CHST9: variants seen among roughly 807,000 people sequenced by gnomAD.
CHST9 encodes GalNAc-4-sulfotransferase 2.
Under a neutral mutation model 44.4 loss-of-function variants are expected in CHST9, and 41 were observed. The ratio of observed to expected loss-of-function variants is 0.92; its 90% CI spans 0.72 to 1.20. CHST9 has a LOEUF of 1.20. Among genes scored for constraint, CHST9 ranks in the 50% most tolerant of loss-of-function variants. The pLI is 0.00. For synonymous variants in CHST9, 171 were observed against 178.4 expected (o/e 0.96, Z 0.33); for missense variants, 504 against 516.5 (o/e 0.98, Z 0.23).
chr18:27,076,061 G>A (rs1369348099), intron 2 of CHST9, among the ~76,000 whole-genome samples: 4 of 152,124 alleles, frequency 2.6e-5, no homozygotes, highest in African/African-American at 7.2e-5. Context: ...CGCATCCTCC[G>A]CTTCAAAGCA....
intron 2 of CHST9, among the ~76,000 whole-genome samples, chr18:27,058,941 T>C (rs531702531): frequency 1.3e-3 from 194 of 152,328 alleles, no homozygotes; most frequent in African/African-American, 4.6e-3. Flanking sequence ...TTGACATACA[T>C]ATCAATATAT....
chr18:26,977,254 G>C (rs1319804824), intron 4 of CHST9, among the ~76,000 whole-genome samples: 1 of 152,032 alleles, frequency 6.6e-6, no homozygotes, highest in African/African-American at 2.4e-5. Flanking sequence ...CTAAATGCTT[G>C]GGTTAGAAAG....
chr18:27,132,986 T>C (rs868401329), intron 2 of CHST9, among the ~76,000 whole-genome samples: 1 of 152,210 alleles, frequency 6.6e-6, no homozygotes, highest in Non-Finnish European at 1.5e-5. Flanking sequence ...ACAGTCCAGG[T>C]ACTCAGCCTA....
chr18:27,011,791 G>C (rs960606514), intron 4 of CHST9, among the ~76,000 whole-genome samples: 1 of 152,226 alleles, frequency 6.6e-6, no homozygotes, highest in African/African-American at 2.4e-5. Context: ...GCCAGGCAAT[G>C]AGCTAGACTC....
At chr18:26,972,357 CAAAAAAAAA>C (rs887066938) in intron 4 of CHST9, among the ~76,000 whole-genome samples, 4 of 65,246 alleles carry the variant, frequency 6.1e-5, no homozygotes, top group Admixed American at 2.3e-4. Context: ...ACTCCAACTC[CAAAAAAAAA>C]AAAAAAAAAA....
intron 4 of CHST9, among the ~76,000 whole-genome samples, chr18:26,972,182 A>C (rs12956930): frequency 0.64 from 97,270 of 151,222 alleles, 31,672 homozygotes; most frequent in African/African-American, 0.73. Context: ...CATGGCGAAA[A>C]CCCATCTCCA....
intron 5 of CHST9, chr18:26,934,152 T>A (rs1010047329): frequency 6.6e-6 from 1 of 152,212 alleles, no homozygotes; most frequent in African/African-American, 2.4e-5. Flanking sequence ...CAGATCATGG[T>A]CAGGGCTTTG....
At chr18:27,081,596 C>T (rs530873676) in intron 2 of CHST9, among the ~76,000 whole-genome samples, 5 of 152,202 alleles carry the variant, frequency 3.3e-5, no homozygotes, top group East Asian at 3.9e-4. Context: ...TTTATATTTA[C>T]GTTTCCTGGG....
chr18:27,108,608 A>T (rs2038198203), intron 2 of CHST9, among the ~76,000 whole-genome samples: 1 of 152,296 alleles, frequency 6.6e-6, no homozygotes, highest in Admixed American at 6.5e-5. Context: ...GTCCCAAAGA[A>T]TTCTTTTCTC....
chr18:27,185,255 A>AGAGCG lies in CHST9; in HGVS notation c.-221_-217dup, dbSNP rs1381160568. ...ACTCCTGGCAGCCGTGAGGTGGCTG[A>AGAGCG]GAGCGGAGCGCCGCGCCGGGAGCGG... On this transcript the variant is annotated 5_prime_UTR_variant, in exon 1 of 6. Transcript: ENST00000618847. 1.3e-5 allele frequency: 2 copies of AGAGCG among 151,990 alleles called. No homozygotes were observed. The highest frequency in any genetic ancestry group is 2.9e-5 in the Non-Finnish European group (2 of 68,012). 9.4% of individuals were successfully genotyped at this position (151,990 alleles called of 1,614,324 possible).
intron 4 of CHST9, among the ~76,000 whole-genome samples, chr18:26,979,093 A>G (rs1333939206): frequency 6.6e-6 from 1 of 151,826 alleles, no homozygotes; most frequent in Admixed American, 6.6e-5. Context: ...TGAGCATGTT[A>G]CCCTGTGCTA....
At chr18:27,047,393 T>A (rs2057514626) in intron 3 of CHST9, among the ~76,000 whole-genome samples, 1 of 145,040 alleles carries the variant, frequency 6.9e-6, no homozygotes, top group Non-Finnish European at 1.5e-5. Context: ...CATAATTGTG[T>A]GTGTGTGTGT....
At chr18:26,976,594 C>T (rs1358556827) in intron 4 of CHST9, among the ~76,000 whole-genome samples, 2 of 152,102 alleles carry the variant, frequency 1.3e-5, no homozygotes, top group Non-Finnish European at 2.9e-5. Flanking sequence ...CTCTGATCTT[C>T]AGCATTTTTG....
At chr18:26,998,024 A>G (rs534217206) in intron 4 of CHST9, among the ~76,000 whole-genome samples, 62 of 152,278 alleles carry the variant, frequency 4.1e-4, no homozygotes, top group Non-Finnish European at 7.5e-4. Context: ...TTGTTCTGTA[A>G]TCAACAGGAG....
chr18:27,044,201 C>A (rs1472956468), intron 3 of CHST9, among the ~76,000 whole-genome samples: 9 of 152,018 alleles, frequency 5.9e-5, no homozygotes, highest in African/African-American at 2.2e-4. Context: ...CTCTTCACAC[C>A]ATGTTGTAAT....
At chr18:27,019,947 T>C (rs1257550812) in intron 4 of CHST9, among the ~76,000 whole-genome samples, 1 of 152,094 alleles carries the variant, frequency 6.6e-6, no homozygotes, top group African/African-American at 2.4e-5. Flanking sequence ...AAGGAGGGTG[T>C]AATTAGGGTC....
At chr18:26,933,060 G>A (rs1300962353) in intron 5 of CHST9, 1 of 153,140 alleles carries the variant, frequency 6.5e-6, no homozygotes, top group African/African-American at 2.4e-5. Flanking sequence ...TTCAGAATGA[G>A]GAGGACACCT....
In CHST9 at chr18:26,915,045, A is replaced by T; in HGVS notation, c.*1214T>A. On this transcript the variant is annotated 3_prime_UTR_variant, in exon 6 of 6. Coordinates refer to ENST00000618847, the MANE Select transcript of CHST9 (RefSeq NM_031422.6). ...ATTCCAAAATGCATTACAACTATTC[A>T]TAAGGGTGACACATGGACCTATTTT... is the stretch of plus-strand genomic sequence containing the variant. 1 of 397,642 alleles carries T rather than the reference A, an allele frequency of 2.5e-6. No individual in the cohort carries two copies. The highest frequency in any genetic ancestry group is 4.4e-6 in the Non-Finnish European group (1 of 225,396). 24.6% of individuals were successfully genotyped at this position (397,642 alleles called of 1,614,324 possible).
At chr18:27,093,578 T>C (rs534236311) in intron 2 of CHST9, among the ~76,000 whole-genome samples, 13 of 152,332 alleles carry the variant, frequency 8.5e-5, no homozygotes, top group African/African-American at 3.1e-4. Flanking sequence ...TCACGTTGTC[T>C]GCAGGTTGCT....
Sources: gnomAD v4.1 joint callset for allele counts (sites outside exome capture counted in the v4.1 genomes callset) on GRCh38, gnomAD v4.1.1 for gene constraint, MANE v1.5 for transcripts, NCBI Gene and HGNC (gene_info 2026-07-23, HGNC 2026-07-21) for gene names.